UNC13C: variants seen among roughly 807,000 people sequenced by gnomAD.
UNC13C encodes the protein unc-13 homolog C.
UNC13C carries 174 observed loss-of-function variants against 245.4 expected under a neutral mutation model. The observed-to-expected ratio is 0.71, with a 90% CI of 0.63 to 0.80. UNC13C has a LOEUF of 0.80. UNC13C is among the 30% of genes least tolerant of loss of function. The pLI is 0.00. For missense variants in UNC13C, 2,829 were observed against 2,602.9 expected (o/e 1.09, Z -1.89); for synonymous variants, 992 against 895.1 (o/e 1.11, Z -1.93).
At chr15:54,004,854 A>G (rs1275020492) in intron 1 of UNC13C, among the ~76,000 whole-genome samples, 1 of 152,168 alleles carries the variant, frequency 6.6e-6, no homozygotes, top group Non-Finnish European at 1.5e-5. Flanking sequence ...AAATTGGATT[A>G]TTAGATTTTC....
chr15:54,203,503 T>TACACAC (rs1165484476), intron 4 of UNC13C, among the ~76,000 whole-genome samples: 4 of 135,318 alleles, frequency 3.0e-5, no homozygotes, highest in African/African-American at 9.0e-5. Flanking sequence ...TATATATATA[T>TACACAC]ACACACACAC....
intron 18 of UNC13C, among the ~76,000 whole-genome samples, chr15:54,401,041 A>T (rs566751673): frequency 2.4e-4 from 36 of 152,280 alleles, no homozygotes; most frequent in African/African-American, 7.7e-4. Context: ...ACATTTATTC[A>T]TTAGAATTTT....
At chr15:54,602,840 C>T (rs28658231) in intron 30 of UNC13C, among the ~76,000 whole-genome samples, 1 of 10,056 alleles carries the variant, frequency 9.9e-5, no homozygotes, top group Admixed American at 8.5e-4. Flanking sequence ...ATCAGTTTCA[C>T]TTGTTCATTT....
At chr15:54,410,011 T>C (rs900480794) in intron 18 of UNC13C, among the ~76,000 whole-genome samples, 4 of 152,228 alleles carry the variant, frequency 2.6e-5, no homozygotes, top group African/African-American at 9.6e-5. Flanking sequence ...AATTGTTCCC[T>C]TTTCTCTGCA....
At chr15:54,347,048 G>A (rs1015974816) in intron 17 of UNC13C, among the ~76,000 whole-genome samples, 1 of 152,198 alleles carries the variant, frequency 6.6e-6, no homozygotes, top group Admixed American at 6.5e-5. Context: ...CCTGGAACAA[G>A]AGCAGGATGA....
chr15:54,069,309 G>A (rs571997732), intron 2 of UNC13C, among the ~76,000 whole-genome samples: 1 of 152,178 alleles, frequency 6.6e-6, no homozygotes, highest in Non-Finnish European at 1.5e-5. Context: ...TATGATACCA[G>A]TCTATGACAT....
intron 2 of UNC13C, among the ~76,000 whole-genome samples, chr15:54,090,811 A>G (rs867453033): frequency 3.9e-5 from 6 of 152,224 alleles, no homozygotes; most frequent in African/African-American, 1.4e-4. Context: ...AAGTTGCCTG[A>G]GACTTTGGCA....
intron 10 of UNC13C, among the ~76,000 whole-genome samples, chr15:54,277,135 T>C (rs936218110): frequency 6.6e-6 from 1 of 152,180 alleles, no homozygotes; most frequent in Admixed American, 6.5e-5. Context: ...AACATTATGA[T>C]ATGAACTCAG....
intron 17 of UNC13C, among the ~76,000 whole-genome samples, chr15:54,375,728 C>G (rs1314993626): frequency 6.6e-6 from 1 of 152,130 alleles, no homozygotes; most frequent in Non-Finnish European, 1.5e-5. Flanking sequence ...GAAATTAATT[C>G]TGCCAACAAT....
At position 54,496,789 on chromosome 15, in the gene UNC13C, A is replaced by G. The variant is rs1007737969; in HGVS notation, c.5060+2055A>G. On this transcript the variant is annotated intron_variant, in intron 20 of 32. Transcript: ENST00000260323. ...TATGAAGAAGCAAAGAGGCATGAGA[A>G]TGATACAATGGACTTTGAGGACTTG... Among the ~76,000 whole-genome samples, 5 of 151,516 alleles carry G rather than the reference A, an allele frequency of 3.3e-5. No individual in the cohort carries two copies. In the South Asian group the frequency reaches 1.1e-3, roughly 32 times the overall value.
chr15:54,362,885 TGAG>T lies in UNC13C; in HGVS notation c.4713+24397_4713+24399del, dbSNP rs1296709419. Among the ~76,000 whole-genome samples, 4 of 152,074 alleles carry T rather than the reference TGAG, an allele frequency of 2.6e-5. No homozygotes were observed. In the East Asian group the frequency reaches 7.7e-4, roughly 29 times the overall value. On this transcript the variant is annotated intron_variant, in intron 17 of 32. Coordinates refer to ENST00000260323, the MANE Select transcript of UNC13C (RefSeq NM_001080534.3). ...GACAGATCATGAAAGGCTTCTAGGA[TGAG>T]AAGAAGGCATATAAAGAATAGGTAA...
At chr15:53,901,604 A>AT in the UNC13C span, among the ~76,000 whole-genome samples, 1 of 152,020 alleles carries the variant, frequency 6.6e-6, no homozygotes, top group Non-Finnish European at 1.5e-5. Flanking sequence ...TGCTTCCAGG[A>AT]TTTTTCCTTA....
In UNC13C at chr15:54,532,905, C is replaced by T. The variant is rs762904089; in HGVS notation, c.5547-12C>T. ...ATTCTTATATTTTAGAATTTATATT[C>T]TTTATTTTTAGTTTCCAGGTTATAA... On this transcript the variant is annotated splice_polypyrimidine_tract_variant and intron_variant, in intron 25 of 32. Transcript: ENST00000260323. 1.4e-6 allele frequency: 2 copies of T among 1,462,910 alleles called. No individual in the cohort carries two copies. The highest frequency in any genetic ancestry group is 1.9e-6 in the Non-Finnish European group (2 of 1,078,620). 90.6% of individuals were successfully genotyped at this position (1,462,910 alleles called of 1,614,324 possible).
intron 17 of UNC13C, among the ~76,000 whole-genome samples, chr15:54,341,506 G>A (rs974284973): frequency 1.3e-5 from 2 of 152,072 alleles, no homozygotes; most frequent in African/African-American, 2.4e-5. Context: ...TCAGTCGTAC[G>A]CAAACCTCAG....
chr15:54,319,636 C>A (rs1015029011), intron 13 of UNC13C, among the ~76,000 whole-genome samples: 8 of 151,866 alleles, frequency 5.3e-5, no homozygotes, highest in African/African-American at 1.7e-4. Flanking sequence ...ATAAGAAAAG[C>A]CACAGTTTTC....
At chr15:54,349,869 T>C (rs536620346) in intron 17 of UNC13C, among the ~76,000 whole-genome samples, 2 of 152,360 alleles carry the variant, frequency 1.3e-5, no homozygotes, top group African/African-American at 2.4e-5. Flanking sequence ...TCATGGAATA[T>C]TGTGGGGCAC....
chr15:54,049,161 A>G, intron 2 of UNC13C: 1 of 418,114 alleles, frequency 2.4e-6, no homozygotes, highest in Non-Finnish European at 4.7e-6. Flanking sequence ...TCCATCATCT[A>G]ATAGTTTTCC....
chr15:54,383,890 AT>A (rs1596310078), intron 17 of UNC13C, among the ~76,000 whole-genome samples: 1 of 152,098 alleles, frequency 6.6e-6, no homozygotes, highest in East Asian at 1.9e-4. Flanking sequence ...CAAAAAAGAA[AT>A]TAAGAAGGCA....
At chr15:54,053,596 G>A (rs910383945) in intron 2 of UNC13C, among the ~76,000 whole-genome samples, 2 of 152,100 alleles carry the variant, frequency 1.3e-5, no homozygotes, top group African/African-American at 4.8e-5. Context: ...GGTGAATGGG[G>A]TGTCCATCAC....
Sources: gnomAD v4.1 joint callset for allele counts (sites outside exome capture counted in the v4.1 genomes callset) on GRCh38, gnomAD v4.1.1 for gene constraint, MANE v1.5 for transcripts, NCBI Gene and HGNC (gene_info 2026-07-23, HGNC 2026-07-21) for gene names.